Variants in HDAC11 observed in about 807,000 individuals in gnomAD.
HDAC11 encodes the protein histone deacetylase 11.
A neutral mutation model predicts 41.1 loss-of-function variants in HDAC11; 23 were observed. The ratio of observed to expected loss-of-function variants is 0.56; its 90% CI spans 0.40 to 0.79. The LOEUF is 0.79. Ranked by LOEUF, HDAC11 falls within the 30% of genes least tolerant of loss-of-function variation. HDAC11 has a pLI of 0.00. For synonymous variants in HDAC11, 187 were observed against 186.6 expected (o/e 1.00, Z -0.02); for missense variants, 402 against 477.3 (o/e 0.84, Z 1.47).
At chr3:13,496,507 T>C in intron 3 of HDAC11, 1 of 428,926 alleles carries the variant, frequency 2.3e-6, no homozygotes, top group Non-Finnish European at 4.1e-6. Flanking sequence ...CCAACTAGCT[T>C]TAAGAAATGC....
intron 6 of HDAC11, 85 bp from the exon 7 acceptor site, chr3:13,501,786 C>T: frequency 5.5e-6 from 7 of 1,277,648 alleles, no homozygotes; most frequent in Non-Finnish European, 8.0e-6. Flanking sequence ...CCCTCCCCGC[C>T]CCTCGCCAGC....
At chr3:13,500,631 G>C in intron 5 of HDAC11, 82 bp from the exon 6 acceptor site, 1 of 1,113,642 alleles carries the variant, frequency 9.0e-7, no homozygotes, top group Non-Finnish European at 1.3e-6. Flanking sequence ...GAGGATGCTG[G>C]GGGAGGTGAA....
At chr3:13,481,171 C>T in intron 1 of HDAC11, 75 bp from the exon 2 acceptor site, 1 of 1,500,130 alleles carries the variant, frequency 6.7e-7, no homozygotes. Context: ...GTGGGTCAGT[C>T]CAGGCGGGCT....
intron 3 of HDAC11, among the ~76,000 whole-genome samples, chr3:13,488,281 C>T (rs1701687702): frequency 1.3e-5 from 2 of 152,068 alleles, no homozygotes; most frequent in African/African-American, 2.4e-5. Context: ...ATTTACATAA[C>T]AAAATTCGCC....
intron 4 of HDAC11, among the ~76,000 whole-genome samples, chr3:13,497,811 C>T (rs749389759): frequency 2.0e-5 from 3 of 151,334 alleles, no homozygotes; most frequent in Non-Finnish European, 4.4e-5. Flanking sequence ...ACTATGATTT[C>T]CTGGAAGATT....
Position 13,498,628 on chromosome 3 carries a change from G to T in HDAC11, c.412+73G>T. 2.1e-6 allele frequency: 3 copies of T among 1,403,276 alleles called. No homozygotes were observed. In the South Asian group the frequency reaches 3.5e-5, roughly 17 times the overall value. The allele number at this position is 1,403,276 out of a possible 1,614,324, so 86.9% of individuals were successfully genotyped here. ...ACTGGCCTGAAAGGGGGCTGGGGGA[G>T]GGCGGGAGGATCCTGGAGGTGGCAG... On this transcript the variant is annotated intron_variant, in intron 5 of 9. Transcript: ENST00000295757.
chr3:13,497,676 A>G (rs1287044383), intron 4 of HDAC11, among the ~76,000 whole-genome samples: 1 of 152,168 alleles, frequency 6.6e-6, no homozygotes, highest in Non-Finnish European at 1.5e-5. Flanking sequence ...AATGTTTCAC[A>G]TGCAAATGTA....
At chr3:13,494,360 A>G (rs1046591975) in intron 3 of HDAC11, among the ~76,000 whole-genome samples, 1 of 152,200 alleles carries the variant, frequency 6.6e-6, no homozygotes, top group African/African-American at 2.4e-5. Flanking sequence ...GGGCAGTGGG[A>G]TGAGTGTGGT....
intron 8 of HDAC11, among the ~76,000 whole-genome samples, chr3:13,503,432 C>A (rs58226785): frequency 1.3e-5 from 2 of 152,084 alleles, no homozygotes; most frequent in Non-Finnish European, 2.9e-5. Context: ...GATGTGGTGG[C>A]GCATGCCTGT....
chr3:13,500,372 T>C (rs1315973400), intron 5 of HDAC11, among the ~76,000 whole-genome samples: 1 of 152,072 alleles, frequency 6.6e-6, no homozygotes, highest in Non-Finnish European at 1.5e-5. Flanking sequence ...GTGGCCCCCA[T>C]ACCACCACTC....
chr3:13,504,014 C>T, intron 8 of HDAC11, 80 bp from the exon 9 acceptor site: 6 of 1,343,418 alleles, frequency 4.5e-6, no homozygotes, highest in Non-Finnish European at 6.2e-6. Context: ...AGTTTCCAGT[C>T]TTGCCTGGTG....
At chr3:13,483,320 T>A (rs1553609771) in intron 2 of HDAC11, 144 bp from the exon 3 acceptor site, 114 of 646,598 alleles carry the variant, frequency 1.8e-4, no homozygotes, top group Non-Finnish European at 2.8e-5. Context: ...CTACCCCTTC[T>A]CAGAAGGCCC....
chr3:13,505,005 C>T lies in HDAC11; in HGVS notation c.*322C>T, dbSNP rs1702554438. On this transcript the variant is annotated 3_prime_UTR_variant, in exon 10 of 10. Transcript: ENST00000295757. ...CTAGGTCCCAGGCACAGCGAGGGCC[C>T]TGGGCTTGGGGTGTTCTGGTTTTGA... The T allele has an allele frequency of 2.5e-6, 1 of 406,922 alleles. No homozygotes were observed. Among genetic ancestry groups the T allele is most frequent in the South Asian group, 2.9e-5 (1 of 34,178 alleles). 25.2% of individuals were successfully genotyped at this position (406,922 alleles called of 1,614,324 possible).
In HDAC11 at chr3:13,505,506, G is replaced by C. The variant is rs898327852; in HGVS notation, c.*823G>C. Reference sequence around the variant, plus strand: ...CCTCCAGGGGGCCGCTGACCCAGGTGGGGAGAGGGCAGAAGAAGGGTGGGG... The same window carrying C: ...CCTCCAGGGGGCCGCTGACCCAGGTCGGGAGAGGGCAGAAGAAGGGTGGGG... On this transcript the variant is annotated 3_prime_UTR_variant, in exon 10 of 10. Transcript: ENST00000295757. 1.3e-5 allele frequency: 2 copies of C among 152,946 alleles called. No individual in the cohort carries two copies. The highest frequency in any genetic ancestry group is 3.1e-3 in the Middle Eastern group (1 of 320). 9.5% of individuals were successfully genotyped at this position (152,946 alleles called of 1,614,324 possible). A position where few individuals can be genotyped will look rare whatever the true frequency, so the allele number is the denominator to read the frequency against.
chr3:13,497,854 CTTTTTTTTTT>C (rs10667297), intron 4 of HDAC11, among the ~76,000 whole-genome samples: 1 of 106,080 alleles, frequency 9.4e-6, no homozygotes, highest in African/African-American at 3.7e-5. Flanking sequence ...TCTTTTTTTG[CTTTTTTTTTT>C]TTTTTTTTTG....
intron 3 of HDAC11, among the ~76,000 whole-genome samples, chr3:13,494,806 G>C (rs982790206): frequency 6.6e-6 from 1 of 152,142 alleles, no homozygotes; most frequent in African/African-American, 2.4e-5. Context: ...GCACCCCCAG[G>C]ACTATGACAG....
At position 13,480,935 on chromosome 3, in the gene HDAC11, G is replaced by A. The variant is rs1403587576; in HGVS notation, c.3-311G>A. On this transcript the variant is annotated intron_variant, in intron 1 of 9. Coordinates refer to ENST00000295757, the MANE Select transcript of HDAC11 (RefSeq NM_024827.4). This position sits in a 1 kb window ranked among gnomAD's most constrained non-coding sequence, Gnocchi z 4.6. ...AGAGGTGATGCGCGGAGGCCTTGCA[G>A]CCAGACACACCTGAGTGCACGCCTG... is the stretch of plus-strand genomic sequence containing the variant. 5 of 464,380 alleles carry A rather than the reference G, an allele frequency of 1.1e-5. No homozygotes were observed. Among genetic ancestry groups the A allele is most frequent in the Non-Finnish European group, 2.0e-5 (5 of 247,764 alleles). The allele number at this position is 464,380 out of a possible 1,614,324, so 28.8% of individuals were successfully genotyped here. A position where few individuals can be genotyped will look rare whatever the true frequency, so the allele number is the denominator to read the frequency against.
At chr3:13,487,294 G>A (rs1701641145) in intron 3 of HDAC11, among the ~76,000 whole-genome samples, 1 of 152,158 alleles carries the variant, frequency 6.6e-6, no homozygotes, top group African/African-American at 2.4e-5. Context: ...GTGCCCTAGA[G>A]AGTCCTTCAG....
chr3:13,492,079 G>A (rs961446702), intron 3 of HDAC11, among the ~76,000 whole-genome samples: 7 of 152,224 alleles, frequency 4.6e-5, no homozygotes, highest in African/African-American at 1.7e-4. Flanking sequence ...GATTTCAGAT[G>A]AACCCTGCAA....
Sources: gnomAD v4.1 joint callset for allele counts (sites outside exome capture counted in the v4.1 genomes callset) on GRCh38, gnomAD v4.1.1 for gene constraint, Gnocchi (gnomAD v3.1) non-coding constraint, MANE v1.5 for transcripts, NCBI Gene and HGNC (gene_info 2026-07-23, HGNC 2026-07-21) for gene names.